The following CDH18 variants were observed in gnomAD, a reference collection of about 807,000 sequenced individuals.
CDH18 encodes cadherin-18.
CDH18 carries 31 observed loss-of-function variants against 67.9 expected under a neutral mutation model. The observed-to-expected ratio is 0.46, with a 90% CI of 0.34 to 0.62. The LOEUF (loss-of-function observed/expected upper bound fraction) is 0.62. CDH18 is among the 20% of genes least tolerant of loss of function. The pLI is 0.01. For missense variants in CDH18, 890 were observed against 975.5 expected (o/e 0.91, Z 1.17); for synonymous variants, 362 against 347.2 (o/e 1.04, Z -0.48).
chr5:20,153,086 G>A (rs989694050), intron 2 of CDH18, among the ~76,000 whole-genome samples: 2 of 151,824 alleles, frequency 1.3e-5, no homozygotes, highest in African/African-American at 4.8e-5. Context: ...GGGACTGCAG[G>A]CATATGCCAC....
chr5:19,571,892 T>C, intron 7 of CDH18, 60 bp from the exon 8 acceptor site: 1 of 1,354,748 alleles, frequency 7.4e-7, no homozygotes, highest in Non-Finnish European at 1.0e-6. Context: ...ATGACTTTCA[T>C]TACTTTTCAA....
At position 19,829,966 on chromosome 5, in the gene CDH18, C is replaced by T. The variant is rs534319464; in HGVS notation, c.228+8793G>A. Among the ~76,000 whole-genome samples, 4 of 152,180 alleles carry T rather than the reference C, an allele frequency of 2.6e-5. No homozygotes were observed. In the South Asian group the frequency reaches 6.2e-4, roughly 24 times the overall value. On this transcript the variant is annotated intron_variant, in intron 3 of 12. Coordinates refer to ENST00000382275, the MANE Select transcript of CDH18 (RefSeq NM_004934.5). ...AAGGCTCGCTATTCAATAAATAATG[C>T]TAGGATAACGGTATAGCCATATGAA...
chr5:20,145,567 A>T (rs981920044), intron 2 of CDH18, among the ~76,000 whole-genome samples: 3 of 152,206 alleles, frequency 2.0e-5, no homozygotes, highest in Non-Finnish European at 4.4e-5. Context: ...TTTTGATCAC[A>T]TCTTAAAAAA....
At chr5:19,638,919 T>C (rs989197039) in intron 5 of CDH18, among the ~76,000 whole-genome samples, 1 of 144,550 alleles carries the variant, frequency 6.9e-6, no homozygotes, top group Non-Finnish European at 1.5e-5. Flanking sequence ...TTGGGCAATA[T>C]TCAAAGGACC....
intron 5 of CDH18, among the ~76,000 whole-genome samples, chr5:19,689,167 T>C (rs1365490274): frequency 6.6e-6 from 1 of 152,054 alleles, no homozygotes; most frequent in Non-Finnish European, 1.5e-5. Flanking sequence ...TATCCAGAAG[T>C]AGTAAACTTA....
chr5:19,505,144 T>C (rs969401431), intron 10 of CDH18, among the ~76,000 whole-genome samples: 1 of 152,120 alleles, frequency 6.6e-6, no homozygotes, highest in Non-Finnish European at 1.5e-5. Flanking sequence ...GAGAAACTCC[T>C]TGTGATTTTT....
At chr5:19,951,237 G>A (rs1304741620) in intron 2 of CDH18, among the ~76,000 whole-genome samples, 2 of 152,054 alleles carry the variant, frequency 1.3e-5, no homozygotes, top group South Asian at 2.1e-4. Context: ...TCTGGGTAAG[G>A]CACTTAAATT....
At chr5:19,999,534 G>A (rs776494664) in intron 2 of CDH18, among the ~76,000 whole-genome samples, 8 of 152,256 alleles carry the variant, frequency 5.3e-5, no homozygotes, top group South Asian at 2.1e-4. Flanking sequence ...CCTGGCAGGC[G>A]GAGGTTGCAG....
chr5:19,472,837 C>T lies in CDH18; in HGVS notation c.*389G>A, dbSNP rs150406408. 36 of 174,810 alleles carry T rather than the reference C, an allele frequency of 2.1e-4. No individual in the cohort carries two copies. Among genetic ancestry groups the T allele is most frequent in the Non-Finnish European group, 4.0e-4 (32 of 80,778 alleles). 10.8% of individuals were successfully genotyped at this position (174,810 alleles called of 1,614,324 possible). A position where few individuals can be genotyped will look rare whatever the true frequency, so the allele number is the denominator to read the frequency against. ...CAAGTTTCCTGTATTAGTGTTACCA[C>T]CCCTATAAGTCATAACCACCAGTGA... On this transcript the variant is annotated 3_prime_UTR_variant, in exon 13 of 13. Coordinates refer to ENST00000382275, the MANE Select transcript of CDH18 (RefSeq NM_004934.5).
At position 20,140,211 on chromosome 5, in the gene CDH18, C is replaced by T. The variant is rs527552208; in HGVS notation, c.-518+115233G>A. Among the ~76,000 whole-genome samples, 9 of 152,178 alleles carry T rather than the reference C, an allele frequency of 5.9e-5. No homozygotes were observed. In the South Asian group the frequency reaches 1.5e-3, roughly 25 times the overall value. ...GAAACCATCATTCTGAGCAAACTGTCACAAGGATAGAAAACCAAACACTAC... is the reference window on the plus strand; with the variant it reads ...GAAACCATCATTCTGAGCAAACTGTTACAAGGATAGAAAACCAAACACTAC... On this transcript the variant is annotated intron_variant, in intron 2 of 14. Coordinates refer to the CDH18 transcript ENST00000507958.
At chr5:20,280,397 C>T (rs1746159913) in intron 1 of CDH18, among the ~76,000 whole-genome samples, 1 of 152,014 alleles carries the variant, frequency 6.6e-6, no homozygotes, top group South Asian at 2.1e-4. Flanking sequence ...TGTGATGTTC[C>T]CCTTCCTGTG....
intron 3 of CDH18, among the ~76,000 whole-genome samples, chr5:19,804,475 G>T (rs551606360): frequency 2.4e-4 from 36 of 152,210 alleles, no homozygotes; most frequent in Non-Finnish European, 4.7e-4. Flanking sequence ...CACACAATTT[G>T]TTAATTTGCC....
chr5:20,018,982 A>G, intron 2 of CDH18, among the ~76,000 whole-genome samples: 1 of 147,942 alleles, frequency 6.8e-6, no homozygotes, highest in Non-Finnish European at 1.5e-5. Context: ...TATTTTTAGT[A>G]GAGACGGGGT....
intron 1 of CDH18, among the ~76,000 whole-genome samples, chr5:20,548,680 G>A (rs778928249): frequency 2.0e-5 from 3 of 152,136 alleles, no homozygotes; most frequent in Non-Finnish European, 4.4e-5. Flanking sequence ...ATTTATGACT[G>A]AAGAATGCTG....
intron 1 of CDH18, among the ~76,000 whole-genome samples, chr5:20,393,783 A>AAATAC (rs573551102): frequency 2.0e-3 from 297 of 151,950 alleles, no homozygotes; most frequent in Middle Eastern, 6.8e-3. Context: ...CAGCTGCAAA[A>AAATAC]AATACAATAC....
chr5:20,292,728 T>C (rs960112424), intron 1 of CDH18, among the ~76,000 whole-genome samples: 1 of 152,128 alleles, frequency 6.6e-6, no homozygotes, highest in African/African-American at 2.4e-5. Flanking sequence ...TTACTTGTCT[T>C]ATAGAAGCGT....
intron 3 of CDH18, among the ~76,000 whole-genome samples, chr5:19,827,437 AT>A (rs1780526016): frequency 6.6e-6 from 1 of 152,128 alleles, no homozygotes; most frequent in Non-Finnish European, 1.5e-5. Context: ...CAGATTGTAA[AT>A]TCTTCTCATC....
intron 2 of CDH18, among the ~76,000 whole-genome samples, chr5:20,119,009 T>C (rs552359352): frequency 6.6e-6 from 1 of 152,248 alleles, no homozygotes; most frequent in South Asian, 2.1e-4. Context: ...TTTTGCACAA[T>C]TATACTTTAT....
chr5:20,256,155 C>T (rs1450618234), intron 1 of CDH18, among the ~76,000 whole-genome samples: 1 of 151,562 alleles, frequency 6.6e-6, no homozygotes, highest in Non-Finnish European at 1.5e-5. Context: ...GTGCATTATA[C>T]CAAATAATAT....
Sources: gnomAD v4.1 joint callset for allele counts (sites outside exome capture counted in the v4.1 genomes callset) on GRCh38, gnomAD v4.1.1 for gene constraint, MANE v1.5 for transcripts, NCBI Gene and HGNC (gene_info 2026-07-23, HGNC 2026-07-21) for gene names.